ANKHD1: variants seen among roughly 807,000 people sequenced by gnomAD.
The protein encoded by ANKHD1 is ankyrin repeat and KH domain-containing protein 1.
Under a neutral mutation model 230.5 loss-of-function variants are expected in ANKHD1, and 31 were observed. The ratio of observed to expected loss-of-function variants is 0.13; its 90% CI spans 0.10 to 0.18. The LOEUF is 0.18. ANKHD1 is among the 10% of genes least tolerant of loss of function. The probability of loss-of-function intolerance (pLI) is 1.00; values close to 1 mark genes in which losing one functional copy is unlikely to be tolerated. For synonymous variants in ANKHD1, 1,074 were observed against 1,117.6 expected, an observed-to-expected ratio of 0.96 and a Z score of 0.78; for missense variants, 2,256 against 3,071.3, an observed-to-expected ratio of 0.73 and a Z score of 6.27.
chr5:140,524,339 G>T, intron 25 of ANKHD1, 99 bp downstream of exon 25: 1 of 1,399,296 alleles, frequency 7.1e-7, no homozygotes, highest in Non-Finnish European at 9.3e-7. Flanking sequence ...TTAAACATTT[G>T]ATTACTTTAT....
chr5:140,407,250 G>A (rs945022239), intron 1 of ANKHD1, among the ~76,000 whole-genome samples: 7 of 143,752 alleles, frequency 4.9e-5, no homozygotes, highest in Non-Finnish European at 7.5e-5. Context: ...AGCTGAGATC[G>A]CGTCACTGCA....
chr5:140,462,370 G>A (rs1775762755), intron 9 of ANKHD1, among the ~76,000 whole-genome samples: 1 of 151,856 alleles, frequency 6.6e-6, no homozygotes, highest in Non-Finnish European at 1.5e-5. Context: ...TTCCTTCCTT[G>A]ACTATCTATA....
In ANKHD1 at chr5:140,528,254, C is replaced by T; in HGVS notation, c.5308C>T (p.Leu1770=). The change falls in exon 29 of 34, where the codon CTG becomes TTG. Residue 1770 remains leucine (L), a synonymous_variant. Transcript: ENST00000360839. ...ACTCATTCAAGATCCTGCTAAGGAA[C>T]TGGAAGACTTGATTCCTAAAAATCA... The part of the protein sequence containing the change: ...NALIQDPAKE[L]EDLIPKNHIR... 6.2e-7 allele frequency: 1 copy of T among 1,612,052 alleles called. No individual in the cohort carries two copies. Among genetic ancestry groups the T allele is most frequent in the Non-Finnish European group, 8.5e-7 (1 of 1,179,742 alleles).
chr5:140,482,538 A>T (rs761460393), intron 10 of ANKHD1, 42 bp from the exon 11 acceptor site: 19 of 1,597,962 alleles, frequency 1.2e-5, no homozygotes, highest in African/African-American at 4.0e-5. Context: ...AGATGGTTAG[A>T]CTGTTGGCAT....
At chr5:140,474,786 C>T (rs911643700) in intron 10 of ANKHD1, among the ~76,000 whole-genome samples, 1 of 151,622 alleles carries the variant, frequency 6.6e-6, no homozygotes, top group South Asian at 2.1e-4. Flanking sequence ...TTTTCAGAGA[C>T]AAAGTCTTGC....
At position 140,504,887 on chromosome 5, in the gene ANKHD1, A is replaced by C. The variant is rs112946206; in HGVS notation, c.3071A>C (p.Glu1024Ala). Residue 1024 changes from glutamate to alanine, a missense_variant, in exon 16 of 34, where the codon GAA becomes GCA. By Grantham distance (107) the Glu-to-Ala change is moderately radical. Coordinates refer to ENST00000360839, the MANE Select transcript of ANKHD1 (RefSeq NM_017747.3). ...SSQTTECLTP[E>A]SCSQTTSNVA... ...CAGACCACAGAGTGTCTTACACCTG[A>C]ATCCTGTTCGCAGACTACAAGCAAT... 1 of 1,614,182 alleles carries C rather than the reference A, an allele frequency of 6.2e-7. No individual in the cohort carries two copies. Among genetic ancestry groups the C allele is most frequent in the African/African-American group, 1.3e-5 (1 of 75,048 alleles).
chr5:140,445,998 T>C (rs767590844), intron 6 of ANKHD1, 23 bp downstream of exon 6: 50 of 1,537,836 alleles, frequency 3.3e-5, no homozygotes, highest in Non-Finnish European at 3.9e-5. Flanking sequence ...TGTATGAATA[T>C]TTATAATGTT....
chr5:140,475,138 G>T lies in ANKHD1; in HGVS notation c.1783-7442G>T, dbSNP rs549062843. ...ATGAGTTCTTTTCAGCTCTCTCCAG[G>T]TTGTTTAAATATAAGTACAAATGAC... On this transcript the variant is annotated intron_variant, in intron 10 of 33. Coordinates refer to ENST00000360839, the MANE Select transcript of ANKHD1 (RefSeq NM_017747.3). Among the ~76,000 whole-genome samples the T allele has an allele frequency of 3.9e-5, 6 of 152,144 alleles. No individual in the cohort carries two copies. In the East Asian group the frequency reaches 1.2e-3, roughly 29 times the overall value.
intron 1 of ANKHD1, among the ~76,000 whole-genome samples, chr5:140,410,479 C>G (rs1770841435): frequency 6.6e-6 from 1 of 151,734 alleles, no homozygotes; most frequent in South Asian, 2.1e-4. Flanking sequence ...TAAAGAAAAG[C>G]AAAACAGTTT....
chr5:140,462,015 G>A (rs919535577), intron 9 of ANKHD1, among the ~76,000 whole-genome samples: 2 of 151,860 alleles, frequency 1.3e-5, no homozygotes, highest in African/African-American at 2.4e-5. Flanking sequence ...GCAATTTTTG[G>A]TTGAAGAAAT....
At chr5:140,459,983 C>A (rs969092409) in intron 9 of ANKHD1, among the ~76,000 whole-genome samples, 1 of 152,024 alleles carries the variant, frequency 6.6e-6, no homozygotes, top group African/African-American at 2.4e-5. Flanking sequence ...TAAGGTATCT[C>A]GTTCACCTTC....
intron 25 of ANKHD1, among the ~76,000 whole-genome samples, chr5:140,524,501 A>G (rs1009867703): frequency 3.3e-5 from 5 of 152,238 alleles, no homozygotes; most frequent in African/African-American, 1.2e-4. Flanking sequence ...CATATATACT[A>G]AAAGCAATAC....
intron 1 of ANKHD1, among the ~76,000 whole-genome samples, chr5:140,424,090 T>C (rs1304167268): frequency 2.0e-5 from 3 of 152,196 alleles, no homozygotes. Context: ...TATGCTCTAT[T>C]TGCTTTTTAT....
At chr5:140,429,673 TA>T (rs1561708385) in intron 1 of ANKHD1, among the ~76,000 whole-genome samples, 2 of 152,224 alleles carry the variant, frequency 1.3e-5, no homozygotes, top group East Asian at 3.9e-4. Context: ...TTTTTACTAT[TA>T]ATAACATTTT....
At chr5:140,491,961 A>T (rs776862734) in intron 14 of ANKHD1, among the ~76,000 whole-genome samples, 87 of 152,338 alleles carry the variant, frequency 5.7e-4, no homozygotes, top group Admixed American at 3.0e-3. Flanking sequence ...GAGATGTTTT[A>T]AAAAAGTAAT....
At position 140,504,094 on chromosome 5, in the gene ANKHD1, C is replaced by T. The variant is rs962243764; in HGVS notation, c.3005-727C>T. Among the ~76,000 whole-genome samples the T allele has an allele frequency of 1.5e-4, 23 of 151,994 alleles. No individual in the cohort carries two copies. In the Middle Eastern group the frequency reaches 0.01, roughly 67 times the overall value. On this transcript the variant is annotated intron_variant, in intron 15 of 33. Transcript: ENST00000360839. ...TTTAGATGTAGTCTAGCTCTGTCAC[C>T]CAGGCTGGAGGGCAGTGGCGTGATC... is the stretch of plus-strand genomic sequence containing the variant.
chr5:140,480,182 T>C (rs973998341), intron 10 of ANKHD1, among the ~76,000 whole-genome samples: 3 of 152,194 alleles, frequency 2.0e-5, no homozygotes, highest in Admixed American at 6.5e-5. Context: ...TCAACTTTTT[T>C]CAAATGTGAT....
intron 2 of ANKHD1, among the ~76,000 whole-genome samples, chr5:140,437,876 T>C (rs1773569056): frequency 6.6e-6 from 1 of 152,204 alleles, no homozygotes; most frequent in African/African-American, 2.4e-5. Flanking sequence ...CCATTTTAGT[T>C]TGCATTCATG....
rs1751343221 is a variant in ANKHD1 at position 140,482,797 on chromosome 5, T to C, written c.1870+130T>C. On this transcript the variant is annotated intron_variant, in intron 11 of 33. Coordinates refer to ENST00000360839, the MANE Select transcript of ANKHD1 (RefSeq NM_017747.3). ...ATTGTATTCTTGCCTTTTGTTATTATATTTTATTTAGTAAGCATAGAGTTT... is the reference window on the plus strand; with the variant it reads ...ATTGTATTCTTGCCTTTTGTTATTACATTTTATTTAGTAAGCATAGAGTTT... 2 of 948,654 alleles carry C rather than the reference T, an allele frequency of 2.1e-6. 1 individual carries two copies. Among genetic ancestry groups the C allele is most frequent in the South Asian group, 3.6e-5 (2 of 56,298 alleles). The allele number at this position is 948,654 out of a possible 1,614,324, so 58.8% of individuals were successfully genotyped here.
Sources: allele counts gnomAD v4.1 joint callset (sites outside exome capture counted in the v4.1 genomes callset), GRCh38; gene constraint gnomAD v4.1.1; transcripts MANE v1.5; gene names NCBI Gene and HGNC (gene_info 2026-07-23, HGNC 2026-07-21).